Variants in GAS2 observed in about 807,000 individuals in gnomAD.
GAS2 encodes the protein growth arrest specific 2.
In GAS2, 20 loss-of-function variants were observed where a neutral mutation model predicts 37.5. The observed-to-expected ratio is 0.53, with a 90% CI of 0.37 to 0.77. The LOEUF is 0.77. Among genes scored for constraint, GAS2 ranks in the 30% least tolerant of loss-of-function variants. The probability of loss-of-function intolerance (pLI) is 0.00; values close to 1 mark genes in which losing one functional copy is unlikely to be tolerated. For synonymous variants in GAS2, 144 were observed against 132.2 expected (o/e 1.09, Z -0.61); for missense variants, 336 against 373.4 (o/e 0.90, Z 0.82).
At chr11:22,780,680 G>A (rs1350098588) in intron 7 of GAS2, among the ~76,000 whole-genome samples, 1 of 151,326 alleles carries the variant, frequency 6.6e-6, no homozygotes, top group African/African-American at 2.4e-5. Context: ...GTGGTTTGAT[G>A]ACTCTGCTCC....
chr11:22,755,304 T>C (rs930490977), intron 6 of GAS2, among the ~76,000 whole-genome samples: 1 of 151,930 alleles, frequency 6.6e-6, no homozygotes, highest in Non-Finnish European at 1.5e-5. Context: ...TAAATCTGAG[T>C]ATATGAGAGA....
chr11:22,659,143 G>A (rs1437405252), intron 1 of GAS2, among the ~76,000 whole-genome samples: 1 of 152,140 alleles, frequency 6.6e-6, no homozygotes, highest in African/African-American at 2.4e-5. Context: ...TTTATTTTGG[G>A]TATGTCCATG....
intron 6 of GAS2, among the ~76,000 whole-genome samples, chr11:22,753,658 G>T (rs1853864673): frequency 6.6e-6 from 1 of 152,034 alleles, no homozygotes; most frequent in Non-Finnish European, 1.5e-5. Context: ...TCTTCTGGAT[G>T]ATCGACCCCT....
At position 22,755,931 on chromosome 11, in the gene GAS2, G is replaced by A. The variant is rs1854008908; in HGVS notation, c.701G>A (p.Gly234Glu). The change falls in exon 7 of 8, where the codon GGA becomes GAA. Residue 234 changes from glycine (G) to glutamate (E), a missense_variant. By Grantham distance (98) the Gly-to-Glu change is moderately conservative (BLOSUM62 -2). Coordinates refer to ENST00000454584, the MANE Select transcript of GAS2 (RefSeq NM_001143830.3). The part of the protein sequence containing the change: ...ERLSQGRYRV[G>E]EKILFIRMLH... ...CTCTCCCAAGGAAGATACCGAGTGG[G>A]AGAAAAGATCCTCTTCATTAGGGTA... 1 of 1,611,596 alleles carries A rather than the reference G, an allele frequency of 6.2e-7. No individual in the cohort carries two copies. Among genetic ancestry groups the A allele is most frequent in the African/African-American group, 1.3e-5 (1 of 74,802 alleles).
rs1590159534 is a variant in GAS2, at chr11:22,812,221, A to C, written c.*205A>C. 7 of 505,686 alleles carry C rather than the reference A, an allele frequency of 1.4e-5. No homozygotes were observed. In the South Asian group the frequency reaches 2.1e-4, roughly 15 times the overall value. 31.3% of individuals were successfully genotyped at this position (505,686 alleles called of 1,614,324 possible). A position where few individuals can be genotyped will look rare whatever the true frequency, so the allele number is the denominator to read the frequency against. On this transcript the variant is annotated 3_prime_UTR_variant, in exon 8 of 8. Coordinates refer to ENST00000454584, the MANE Select transcript of GAS2 (RefSeq NM_001143830.3). Reference sequence around the variant, plus strand: ...ACCTATTAAAAGAAAATCTAAACTCAAATTTAAATTATCCAAATTTTAGGC... The same window carrying C: ...ACCTATTAAAAGAAAATCTAAACTCCAATTTAAATTATCCAAATTTTAGGC...
intron 2 of GAS2, among the ~76,000 whole-genome samples, chr11:22,685,340 T>C (rs1415020291): frequency 1.3e-5 from 2 of 152,186 alleles, no homozygotes; most frequent in African/African-American, 4.8e-5. Flanking sequence ...GTAAAGCTGG[T>C]TCTTTGAGTT....
At chr11:22,715,905 A>G (rs747056759) in intron 3 of GAS2, among the ~76,000 whole-genome samples, 3 of 152,162 alleles carry the variant, frequency 2.0e-5, no homozygotes, top group Non-Finnish European at 4.4e-5. Context: ...AAAGAAAACT[A>G]CAAACCAATA....
At chr11:22,661,623 G>C (rs1848917106), upstream of GAS2, among the ~76,000 whole-genome samples, 1 of 152,198 alleles carries the variant, frequency 6.6e-6, no homozygotes, top group Non-Finnish European at 1.5e-5. Context: ...GAGTGAATCA[G>C]ATTTCTTCAG....
chr11:22,780,760 A>G (rs1018884060), intron 7 of GAS2, among the ~76,000 whole-genome samples: 2 of 151,652 alleles, frequency 1.3e-5, no homozygotes, highest in African/African-American at 4.8e-5. Context: ...TCTCAGACAC[A>G]TATGGTCCAA....
intron 3 of GAS2, among the ~76,000 whole-genome samples, chr11:22,689,462 C>G (rs545214820): frequency 1.2e-3 from 180 of 152,174 alleles, no homozygotes; most frequent in Middle Eastern, 6.8e-3. Context: ...ATAACTTGTG[C>G]CTTACTGTAT....
intron 4 of GAS2, among the ~76,000 whole-genome samples, chr11:22,731,635 A>G (rs924761363): frequency 6.6e-6 from 1 of 151,732 alleles, no homozygotes; most frequent in African/African-American, 2.4e-5. Flanking sequence ...TTTAAATATT[A>G]GCATTTTCCA....
intron 7 of GAS2, among the ~76,000 whole-genome samples, chr11:22,804,017 C>T (rs113357829): frequency 1.6e-4 from 24 of 151,812 alleles, no homozygotes; most frequent in African/African-American, 4.8e-4. Context: ...GTGAAATCAC[C>T]TGGAAACTAA....
intron 1 of GAS2, among the ~76,000 whole-genome samples, chr11:22,628,390 T>G (rs1858691988): frequency 6.6e-6 from 1 of 152,088 alleles, no homozygotes; most frequent in Non-Finnish European, 1.5e-5. Context: ...AGAAATAATA[T>G]AAGGTAAAAT....
intron 6 of GAS2, among the ~76,000 whole-genome samples, chr11:22,749,670 T>C (rs957702379): frequency 6.6e-6 from 1 of 152,036 alleles, no homozygotes. Flanking sequence ...GGACTACCAT[T>C]GTTTTTCAAG....
At chr11:22,734,783 G>A (rs373694218) in intron 4 of GAS2, among the ~76,000 whole-genome samples, 1 of 151,638 alleles carries the variant, frequency 6.6e-6, no homozygotes, top group African/African-American at 2.4e-5. Context: ...TGACCAGCAA[G>A]TATTAGTGCT....
At chr11:22,788,567 G>A (rs917920742) in intron 7 of GAS2, among the ~76,000 whole-genome samples, 1 of 152,052 alleles carries the variant, frequency 6.6e-6, no homozygotes, top group Non-Finnish European at 1.5e-5. Flanking sequence ...GATAGAAAAA[G>A]CACACTATAG....
intron 1 of GAS2, among the ~76,000 whole-genome samples, chr11:22,634,722 C>T (rs1158845029): frequency 1.3e-5 from 2 of 152,024 alleles, no homozygotes; most frequent in Non-Finnish European, 2.9e-5. Context: ...GGAAGGGATC[C>T]AGTGATAGGA....
intron 5 of GAS2, among the ~76,000 whole-genome samples, chr11:22,743,561 T>C: frequency 6.6e-6 from 1 of 152,132 alleles, no homozygotes; most frequent in South Asian, 2.1e-4. Context: ...CAATGTCAGA[T>C]GCATTGAAGA....
At chr11:22,759,017 A>G (rs896075219) in intron 7 of GAS2, among the ~76,000 whole-genome samples, 1 of 152,114 alleles carries the variant, frequency 6.6e-6, no homozygotes, top group Non-Finnish European at 1.5e-5. Context: ...AGGGTTAACA[A>G]TTCCATTGCT....
Sources: allele counts gnomAD v4.1 joint callset (sites outside exome capture counted in the v4.1 genomes callset), GRCh38; gene constraint gnomAD v4.1.1; transcripts MANE v1.5; gene names NCBI Gene and HGNC (gene_info 2026-07-23, HGNC 2026-07-21).